SYT6: variants seen among roughly 807,000 people sequenced by gnomAD.
SYT6 encodes the protein synaptotagmin 6.
A neutral mutation model predicts 38.4 loss-of-function variants in SYT6; 24 were observed. The ratio of observed to expected loss-of-function variants is 0.62; its 90% confidence interval spans 0.45 to 0.88. The LOEUF (loss-of-function observed/expected upper bound fraction) is 0.88. SYT6 is among the 40% of genes least tolerant of loss of function. The pLI is 0.00. For synonymous variants in SYT6, 265 were observed against 241.9 expected, an observed-to-expected ratio of 1.10 and a Z score of -0.89; for missense variants, 611 against 621.0, an observed-to-expected ratio of 0.98 and a Z score of 0.17.
At chr1:114,124,411 A>G (rs1234921860) in intron 3 of SYT6, among the ~76,000 whole-genome samples, 1 of 152,072 alleles carries the variant, frequency 6.6e-6, no homozygotes, top group Non-Finnish European at 1.5e-5. Context: ...TTAAAGAGGG[A>G]CGTGTGGTGG....
intron 6 of SYT6, among the ~76,000 whole-genome samples, chr1:114,095,649 G>T (rs964460773): frequency 6.8e-6 from 1 of 147,578 alleles, no homozygotes; most frequent in Admixed American, 6.8e-5. Flanking sequence ...CCAGAGTGGG[G>T]CAGTGAGTTT....
chr1:114,135,411 G>A (rs1260854837), intron 3 of SYT6, among the ~76,000 whole-genome samples: 7 of 152,168 alleles, frequency 4.6e-5, no homozygotes, highest in Admixed American at 3.3e-4. Context: ...GTTTCTGTGG[G>A]TCAAAGAAGC....
intron 3 of SYT6, among the ~76,000 whole-genome samples, chr1:114,108,336 C>G (rs548431074): frequency 2.8e-4 from 43 of 152,320 alleles, no homozygotes; most frequent in African/African-American, 1.0e-3. Context: ...GCACTTCTCT[C>G]TACTTGATGC....
chr1:114,152,568 G>A (rs1013941053), intron 1 of SYT6: 1 of 152,142 alleles, frequency 6.6e-6, no homozygotes, highest in African/African-American at 2.4e-5. Flanking sequence ...GGACAAAGAA[G>A]CCCCGCGGCA....
rs369344750 is a variant in SYT6, at chr1:114,090,539, C to T, written c.*1595G>A. The T allele has an allele frequency of 5.2e-5, 8 of 152,482 alleles. No homozygotes were observed. In the East Asian group the frequency reaches 9.4e-4, roughly 18 times the overall value. 9.4% of individuals were successfully genotyped at this position (152,482 alleles called of 1,614,324 possible). Reference sequence around the variant, plus strand: ...ATGAGGGATACTTTATTGGTCGCTGCTCCTCTACCATGTAGCATATATAAA... The same window carrying T: ...ATGAGGGATACTTTATTGGTCGCTGTTCCTCTACCATGTAGCATATATAAA... On this transcript the variant is annotated 3_prime_UTR_variant, in exon 8 of 8. Transcript: ENST00000610222.
intron 3 of SYT6, among the ~76,000 whole-genome samples, chr1:114,128,998 A>G (rs1184194086): frequency 6.6e-6 from 1 of 152,160 alleles, no homozygotes; most frequent in Non-Finnish European, 1.5e-5. Flanking sequence ...CCAGCTTCCT[A>G]TGTAGCATCG....
At chr1:114,106,591 C>T (rs1453249125) in intron 3 of SYT6, among the ~76,000 whole-genome samples, 7 of 152,092 alleles carry the variant, frequency 4.6e-5, no homozygotes, top group African/African-American at 1.7e-4. Context: ...ACCTGCTGCT[C>T]TCTCCCTTCT....
At chr1:114,153,537 G>C in intron 1 of SYT6, 73 bp downstream of exon 1, 1 of 566,196 alleles carries the variant, frequency 1.8e-6, no homozygotes, top group Non-Finnish European at 3.2e-6. Flanking sequence ...GGGCTCCTGG[G>C]ACCGGGGCTT....
In SYT6 at chr1:114,130,593, A is replaced by G. The variant is rs371030131; in HGVS notation, c.1071+6902T>C. 3.9e-3 allele frequency among the ~76,000 whole-genome samples: 596 copies of G among 151,804 alleles called. 5 individuals are homozygous for G. The highest frequency in any genetic ancestry group is 0.014 in the African/African-American group (571 of 41,352). ...TCTCCTCGCTTCAATACTCACCTCC[A>G]TCTCCCCTTTTTCCTTTTAATGTAA... On this transcript the variant is annotated intron_variant, in intron 3 of 7. Coordinates refer to ENST00000610222, the MANE Select transcript of SYT6 (RefSeq NM_001253772.2).
intron 3 of SYT6, among the ~76,000 whole-genome samples, chr1:114,108,611 A>G (rs1466696139): frequency 2.0e-5 from 3 of 152,214 alleles, no homozygotes; most frequent in Non-Finnish European, 4.4e-5. Context: ...TCACCAACTG[A>G]GACGACCCAA....
chr1:114,151,952 T>C (rs1160184720), intron 1 of SYT6, among the ~76,000 whole-genome samples: 1 of 152,170 alleles, frequency 6.6e-6, no homozygotes, highest in African/African-American at 2.4e-5. Context: ...CAGTCCCTTC[T>C]GCTGCAGTGA....
intron 1 of SYT6, 92 bp from the exon 2 acceptor site, chr1:114,140,055 G>A: frequency 1.4e-6 from 1 of 694,864 alleles, no homozygotes. Flanking sequence ...ACACGGAAGG[G>A]ACAAAGACGG....
intron 6 of SYT6, among the ~76,000 whole-genome samples, 189 bp downstream of exon 6, chr1:114,097,538 G>C (rs1675704586): frequency 6.6e-6 from 1 of 152,162 alleles, no homozygotes; most frequent in South Asian, 2.1e-4. Context: ...CAACACCAGG[G>C]GCTTTGTGTT....
rs1192383363 is a variant in SYT6, at chr1:114,089,781, GACC to G, written c.*2350_*2352del. 6.6e-6 allele frequency: 1 copy of G among 152,502 alleles called. No homozygotes were observed. The highest frequency in any genetic ancestry group is 1.5e-5 in the Non-Finnish European group (1 of 68,176). The allele number at this position is 152,502 out of a possible 1,614,324, so 9.4% of individuals were successfully genotyped here. On this transcript the variant is annotated 3_prime_UTR_variant, in exon 8 of 8. Coordinates refer to ENST00000610222, the MANE Select transcript of SYT6 (RefSeq NM_001253772.2). ...GTGGGCTCCCAAGCCTGTAGGAATTGACCCAGACTGCTAGAGCAGCAGCGGTTG... is the reference window on the plus strand; with the variant it reads ...GTGGGCTCCCAAGCCTGTAGGAATTGCAGACTGCTAGAGCAGCAGCGGTTG...
chr1:114,094,651 C>T (rs924917794), intron 6 of SYT6, among the ~76,000 whole-genome samples: 14 of 152,232 alleles, frequency 9.2e-5, no homozygotes, highest in African/African-American at 3.4e-4. Context: ...ATAATGCCCT[C>T]TGTTCTCATT....
At chr1:114,140,498 A>C (rs374228492) in intron 1 of SYT6, among the ~76,000 whole-genome samples, 48 of 152,008 alleles carry the variant, frequency 3.2e-4, no homozygotes, top group African/African-American at 8.0e-4. Context: ...TCCCATCCCC[A>C]CTGAGCCCAA....
At chr1:114,132,944 T>C (rs1678240736) in intron 3 of SYT6, among the ~76,000 whole-genome samples, 1 of 152,204 alleles carries the variant, frequency 6.6e-6, no homozygotes, top group Non-Finnish European at 1.5e-5. Flanking sequence ...GAAGCTAGAA[T>C]GCAATTCAGG....
chr1:114,124,051 T>C (rs965756187), intron 3 of SYT6, among the ~76,000 whole-genome samples: 1 of 152,174 alleles, frequency 6.6e-6, no homozygotes, highest in African/African-American at 2.4e-5. Flanking sequence ...AGGGTTGAGA[T>C]AGAAGTGGCT....
intron 6 of SYT6, among the ~76,000 whole-genome samples, chr1:114,096,184 T>C (rs1675630533): frequency 6.6e-6 from 1 of 152,310 alleles, no homozygotes; most frequent in South Asian, 2.1e-4. Flanking sequence ...GGATGCTGTC[T>C]GCAGGTTGTC....
Sources: gnomAD v4.1 joint callset for allele counts (sites outside exome capture counted in the v4.1 genomes callset) on GRCh38, gnomAD v4.1.1 for gene constraint, MANE v1.5 for transcripts, NCBI Gene and HGNC (gene_info 2026-07-23, HGNC 2026-07-21) for gene names.